IFT80: variants seen among roughly 807,000 people sequenced by gnomAD.
IFT80 encodes the protein intraflagellar transport 80.
IFT80 carries 79 observed loss-of-function variants against 107.9 expected under a neutral mutation model. The ratio of observed to expected loss-of-function variants is 0.73; its 90% CI spans 0.61 to 0.88. The LOEUF (loss-of-function observed/expected upper bound fraction) is 0.88, where lower values mean the gene tolerates loss of function less well. IFT80 is among the 40% of genes least tolerant of loss of function. The pLI, the probability that IFT80 is intolerant of heterozygous loss-of-function variation, is 0.00. For missense variants in IFT80, 797 were observed against 914.2 expected, an observed-to-expected ratio of 0.87 and a Z score of 1.65; for synonymous variants, 299 against 300.9, an observed-to-expected ratio of 0.99 and a Z score of 0.07.
chr3:160,305,758 T>G (rs1716788882), intron 10 of IFT80, among the ~76,000 whole-genome samples: 2 of 152,270 alleles, frequency 1.3e-5, no homozygotes, highest in East Asian at 3.9e-4. Flanking sequence ...GTAAATTACT[T>G]GCATGTCTGT....
intron 18 of IFT80, among the ~76,000 whole-genome samples, chr3:160,275,841 C>A (rs1165461447): frequency 6.6e-6 from 1 of 152,084 alleles, no homozygotes; most frequent in Non-Finnish European, 1.5e-5. Context: ...AATATTCACA[C>A]TGTCTAAACT....
In IFT80 at chr3:160,350,136, C is replaced by T. The variant is rs528024652; in HGVS notation, c.777+5877G>A. Among the ~76,000 whole-genome samples, 7 of 152,032 alleles carry T rather than the reference C, an allele frequency of 4.6e-5. No homozygotes were observed. The South Asian group carries it at 1.0e-3, about 23-fold the overall frequency. On this transcript the variant is annotated intron_variant, in intron 8 of 19. Transcript: ENST00000326448. ...ATTCTTAAAAAAGATATGCAGAGGC[C>T]GGGCATGGTGGCTCATGCCTGTAAT...
intron 12 of IFT80, chr3:160,299,401 C>T (rs368280637): frequency 9.1e-5 from 19 of 208,556 alleles, no homozygotes; most frequent in Non-Finnish European, 5.4e-5. Flanking sequence ...TTAGGTCTTC[C>T]GTGGTGTGAA....
At chr3:160,372,639 G>T (rs1015778503) in intron 5 of IFT80, among the ~76,000 whole-genome samples, 1 of 152,078 alleles carries the variant, frequency 6.6e-6, no homozygotes, top group African/African-American at 2.4e-5. Context: ...AATACCAAGA[G>T]GTTAGCCAAA....
intron 8 of IFT80, among the ~76,000 whole-genome samples, chr3:160,349,006 G>C (rs542463258): frequency 6.6e-6 from 1 of 152,114 alleles, no homozygotes; most frequent in African/African-American, 2.4e-5. Context: ...TTAGAGTTTT[G>C]TAACGGTTGC....
chr3:160,304,517 G>A (rs1198365454), intron 10 of IFT80, among the ~76,000 whole-genome samples: 1 of 147,946 alleles, frequency 6.8e-6, no homozygotes, highest in Non-Finnish European at 1.5e-5. Context: ...CTCACTGCAA[G>A]CTCCTCTTCC....
chr3:160,257,127 C>T lies in IFT80; in HGVS notation c.*1398G>A, dbSNP rs980983375. The T allele has an allele frequency of 6.6e-6, 1 of 152,086 alleles. No homozygotes were observed. Among genetic ancestry groups the T allele is most frequent in the South Asian group, 2.1e-4 (1 of 4,822 alleles). The allele number at this position is 152,086 out of a possible 1,614,324, so 9.4% of individuals were successfully genotyped here. A position where few individuals can be genotyped will look rare whatever the true frequency, so the allele number is the denominator to read the frequency against. The stretch of plus-strand genomic sequence containing the variant: ...TATAGGAAACACATACACAGTACAA[C>T]TTGTAAGTACACTGCTCAATCAGAT... On this transcript the variant is annotated 3_prime_UTR_variant, in exon 20 of 20. Transcript: ENST00000326448.
At chr3:160,287,074 A>G (rs1186320266) in intron 12 of IFT80, among the ~76,000 whole-genome samples, 3 of 152,164 alleles carry the variant, frequency 2.0e-5, no homozygotes, top group Admixed American at 6.5e-5. Context: ...AACCATGCCA[A>G]TGTAATAAAA....
chr3:160,381,504 A>G lies in IFT80; in HGVS notation c.258T>C (p.Asp86=). 6.2e-7 allele frequency: 1 copy of G among 1,609,102 alleles called. No homozygotes were observed. Among genetic ancestry groups the G allele is most frequent in the Non-Finnish European group, 8.5e-7 (1 of 1,175,490 alleles). The change falls in exon 3 of 20, where the codon GAT becomes GAC. Residue 86 remains aspartate (D), a splice_region_variant and synonymous_variant. Transcript: ENST00000326448. The stretch of plus-strand genomic sequence containing the variant: ...ATATAATGTTTATTTAAAACTTACC[A>G]TCAGAACTTGTGAGGACAAAGCTTT... ...QAESFVLTSS[D]GKFHLISKLG...
chr3:160,379,352 T>C (rs1712289549), intron 3 of IFT80, among the ~76,000 whole-genome samples: 1 of 152,176 alleles, frequency 6.6e-6, no homozygotes, highest in African/African-American at 2.4e-5. Flanking sequence ...TAAACTTCTA[T>C]GGAAAATTAG....
chr3:160,369,933 C>T (rs1459018664), intron 5 of IFT80, among the ~76,000 whole-genome samples: 1 of 152,006 alleles, frequency 6.6e-6, no homozygotes, highest in Non-Finnish European at 1.5e-5. Flanking sequence ...ACCTTTTTGA[C>T]ATTTTTTAAG....
chr3:160,269,727 C>T (rs1245437717), intron 18 of IFT80, among the ~76,000 whole-genome samples: 5 of 152,116 alleles, frequency 3.3e-5, no homozygotes, highest in African/African-American at 7.2e-5. Context: ...TTAGTTGAGT[C>T]GGGAACAATC....
At chr3:160,368,190 A>G (rs1316410350) in intron 5 of IFT80, among the ~76,000 whole-genome samples, 1 of 151,862 alleles carries the variant, frequency 6.6e-6, no homozygotes, top group Non-Finnish European at 1.5e-5. Flanking sequence ...AACTGATGAT[A>G]TAATCAATAA....
At position 160,391,967 on chromosome 3, in the gene IFT80, T is replaced by C. The variant is rs918096126; in HGVS notation, c.-47+7179A>G. Reference sequence around the variant, plus strand: ...AACAGGGATGTAAGGTATGACACAGTAGTCCCAAATGTCTCTTGAGAAAAG... The same window carrying C: ...AACAGGGATGTAAGGTATGACACAGCAGTCCCAAATGTCTCTTGAGAAAAG... On this transcript the variant is annotated intron_variant, in intron 1 of 19. Coordinates refer to ENST00000326448, the MANE Select transcript of IFT80 (RefSeq NM_020800.3). Among the ~76,000 whole-genome samples, 3 of 152,222 alleles carry C rather than the reference T, an allele frequency of 2.0e-5. No homozygotes were observed. The East Asian group carries it at 5.8e-4, about 29-fold the overall frequency.
chr3:160,292,313 C>G (rs754575917), intron 12 of IFT80, among the ~76,000 whole-genome samples: 2 of 152,124 alleles, frequency 1.3e-5, no homozygotes, highest in Middle Eastern at 3.2e-3. Context: ...AGAGAGATAT[C>G]TTCCCCAGAG....
At chr3:160,310,322 T>C (rs1005295790) in intron 9 of IFT80, among the ~76,000 whole-genome samples, 2 of 152,170 alleles carry the variant, frequency 1.3e-5, no homozygotes, top group African/African-American at 2.4e-5. Flanking sequence ...ATAACCACGA[T>C]GGGTTGAAAC....
At chr3:160,362,170 T>C (rs1209090337) in intron 6 of IFT80, among the ~76,000 whole-genome samples, 1 of 151,746 alleles carries the variant, frequency 6.6e-6, no homozygotes, top group Non-Finnish European at 1.5e-5. Context: ...ATCAAATAGA[T>C]ACAATAAAAA....
intron 9 of IFT80, among the ~76,000 whole-genome samples, chr3:160,310,772 T>C (rs1259335853): frequency 6.6e-6 from 1 of 152,132 alleles, no homozygotes; most frequent in Admixed American, 6.5e-5. Flanking sequence ...CAACAGGAAG[T>C]GCACAGCATC....
chr3:160,367,983 T>C (rs1246344252), intron 5 of IFT80, among the ~76,000 whole-genome samples: 1 of 152,088 alleles, frequency 6.6e-6, no homozygotes, highest in East Asian at 1.9e-4. Context: ...CCCAACTATA[T>C]TTACAAAACC....
Sources: gnomAD v4.1 joint callset for allele counts (sites outside exome capture counted in the v4.1 genomes callset) on GRCh38, gnomAD v4.1.1 for gene constraint, MANE v1.5 for transcripts, NCBI Gene and HGNC (gene_info 2026-07-23, HGNC 2026-07-21) for gene names.